The following DMD variants were observed in gnomAD, a reference collection of about 807,000 sequenced individuals.
DMD encodes the protein dystrophin.
A neutral mutation model predicts 330.1 loss-of-function variants in DMD; 63 were observed. That is an observed-to-expected ratio of 0.19 (90% confidence interval 0.16 to 0.24). DMD has a LOEUF of 0.24. Ranked by LOEUF, DMD falls within the 10% of genes least tolerant of loss-of-function variation. The pLI is 1.00. For missense variants in DMD, 3,344 were observed against 2,684.1 expected (o/e 1.25, Z -5.43); for synonymous variants, 1,223 against 959.8 (o/e 1.27, Z -5.07).
At chrX:31,390,843 C>T (rs1569536999) in intron 60 of DMD, among the ~76,000 whole-genome samples, 1 of 111,720 alleles carries the variant, frequency 9.0e-6, no homozygotes, top group East Asian at 2.8e-4. Flanking sequence ...CTCAGGTGTA[C>T]TTTCACAGGT....
chrX:32,849,715 A>C lies in DMD; in HGVS notation c.186+13T>G. On this transcript the variant is annotated intron_variant, in intron 3 of 78. Transcript: ENST00000357033. Reference sequence around the variant, plus strand: ...AAGTTTAAAGTTAACTTTCTTAAAAATAAGTCACATACCAGTTTTTGCCCT... The same window carrying C: ...AAGTTTAAAGTTAACTTTCTTAAAACTAAGTCACATACCAGTTTTTGCCCT... 6 of 1,155,444 alleles carry C rather than the reference A, an allele frequency of 5.2e-6. No individual in the cohort carries two copies. Among genetic ancestry groups the C allele is most frequent in the East Asian group, 3.0e-5 (1 of 33,576 alleles).
At chrX:32,801,435 G>A (rs2076556775) in intron 7 of DMD, among the ~76,000 whole-genome samples, 1 of 111,528 alleles carries the variant, frequency 9.0e-6, no homozygotes, top group Admixed American at 9.5e-5. Flanking sequence ...TAGATAGATT[G>A]CAAAAATTTT....
At chrX:31,770,742 T>A (rs1383378936) in intron 51 of DMD, among the ~76,000 whole-genome samples, 1 of 111,775 alleles carries the variant, frequency 8.9e-6, no homozygotes, top group African/African-American at 3.2e-5. Flanking sequence ...TCTTCCTCGA[T>A]CTCAGGCAGG....
At chrX:31,647,843 AACTG>A (rs1283779716) in intron 54 of DMD, among the ~76,000 whole-genome samples, 2 of 112,378 alleles carry the variant, frequency 1.8e-5, no homozygotes, top group Admixed American at 9.4e-5. Context: ...CTAAGTGTGA[AACTG>A]ACTATTAGAA....
intron 60 of DMD, among the ~76,000 whole-genome samples, chrX:31,379,840 A>G (rs916629632): frequency 2.2e-4 from 25 of 111,934 alleles, no homozygotes; most frequent in East Asian, 1.4e-3. Context: ...CTCCTAAGCC[A>G]TGTCCCATCT....
chrX:32,515,093 G>A (rs1252660483), intron 18 of DMD, among the ~76,000 whole-genome samples: 1 of 111,680 alleles, frequency 9.0e-6, no homozygotes, highest in Non-Finnish European at 1.9e-5. Context: ...AGTAGTGGGG[G>A]TACAAAAGAG....
intron 44 of DMD, among the ~76,000 whole-genome samples, chrX:32,085,101 T>C (rs1161867604): frequency 9.1e-6 from 1 of 110,458 alleles, no homozygotes; most frequent in Non-Finnish European, 1.9e-5. Context: ...GCAAGAAATA[T>C]ATGAAGAAAA....
intron 61 of DMD, among the ~76,000 whole-genome samples, chrX:31,329,701 G>A (rs1057499371): frequency 9.1e-5 from 10 of 110,195 alleles, no homozygotes; most frequent in African/African-American, 3.0e-4. Context: ...GGCCGGGCGC[G>A]GTGGCTCACC....
chrX:32,340,849 G>A (rs757117169), intron 41 of DMD, among the ~76,000 whole-genome samples: 1 of 111,769 alleles, frequency 8.9e-6, no homozygotes, highest in Non-Finnish European at 1.9e-5. Flanking sequence ...ATTCAGCCAG[G>A]TGGAATTAGA....
intron 54 of DMD, among the ~76,000 whole-genome samples, chrX:31,651,151 A>G (rs181192360): frequency 1.8e-5 from 2 of 112,066 alleles, no homozygotes; most frequent in Admixed American, 1.9e-4. Flanking sequence ...AGTTTTAGAG[A>G]CAATTAAGTT....
At position 32,339,889 on chromosome X, in the gene DMD, G is replaced by A. The variant is rs753956429; in HGVS notation, c.5922+2211C>T. On this transcript the variant is annotated intron_variant, in intron 41 of 78. Transcript: ENST00000357033. ...AAACAATTAGAGAAGGAGAATATAGGGGGAGGTAAGAAATTCTGAAGCTAT... is the reference window on the plus strand; with the variant it reads ...AAACAATTAGAGAAGGAGAATATAGAGGGAGGTAAGAAATTCTGAAGCTAT... Among the ~76,000 whole-genome samples the A allele has an allele frequency of 8.1e-5, 9 of 111,550 alleles. No homozygotes were observed. The South Asian group carries it at 3.4e-3, about 42-fold the overall frequency.
intron 11 of DMD, among the ~76,000 whole-genome samples, chrX:32,627,823 A>C (rs2058452853): frequency 1.8e-5 from 2 of 111,656 alleles, no homozygotes; most frequent in African/African-American, 6.5e-5. Context: ...CGAAAATTAC[A>C]GTTGTTACTC....
intron 60 of DMD, among the ~76,000 whole-genome samples, chrX:31,427,899 G>T (rs180991415): frequency 8.9e-6 from 1 of 111,952 alleles, no homozygotes; most frequent in Non-Finnish European, 1.9e-5. Flanking sequence ...CGTAATGAAA[G>T]AACATATTAT....
At chrX:33,010,318 G>A (rs954045610) in intron 2 of DMD, among the ~76,000 whole-genome samples, 28 of 105,654 alleles carry the variant, frequency 2.7e-4, no homozygotes, top group Non-Finnish European at 2.1e-4. Context: ...ACATATATGT[G>A]TATAAATATG....
intron 44 of DMD, among the ~76,000 whole-genome samples, chrX:31,972,746 A>G (rs903808239): frequency 8.9e-6 from 1 of 111,942 alleles, no homozygotes; most frequent in Non-Finnish European, 1.9e-5. Context: ...TGAGACAGGT[A>G]AATCATTAAC....
At chrX:31,788,484 G>A (rs2091419247) in intron 50 of DMD, among the ~76,000 whole-genome samples, 2 of 111,172 alleles carry the variant, frequency 1.8e-5, no homozygotes, top group Admixed American at 9.6e-5. Flanking sequence ...TCATTTTGTG[G>A]CCTAACATAT....
intron 12 of DMD, among the ~76,000 whole-genome samples, chrX:32,608,240 A>G (rs1428975072): frequency 7.2e-5 from 8 of 110,363 alleles, no homozygotes; most frequent in African/African-American, 2.3e-4. Context: ...CTGTGCAAAT[A>G]TACCCTTGGA....
chrX:33,271,012 TG>T (rs1202919378), intron 1 of DMD, among the ~76,000 whole-genome samples: 1 of 111,666 alleles, frequency 9.0e-6, no homozygotes, highest in East Asian at 2.8e-4. Flanking sequence ...TATTCCAAGG[TG>T]TATTTAAAAA....
At chrX:32,667,911 G>A (rs1479226469) in intron 9 of DMD, among the ~76,000 whole-genome samples, 1 of 109,222 alleles carries the variant, frequency 9.2e-6, no homozygotes, top group Non-Finnish European at 1.9e-5. Context: ...AGGCCGAGGC[G>A]GGCGGATCAC....
Sources: allele counts gnomAD v4.1 joint callset (sites outside exome capture counted in the v4.1 genomes callset), GRCh38; gene constraint gnomAD v4.1.1; transcripts MANE v1.5; gene names NCBI Gene and HGNC (gene_info 2026-07-23, HGNC 2026-07-21).